The following NCAPG2 variants were observed in gnomAD, a reference collection of about 807,000 sequenced individuals.
The protein encoded by NCAPG2 is condensin-2 complex subunit G2.
NCAPG2 carries 53 observed loss-of-function variants against 141.1 expected under a neutral mutation model. The observed-to-expected ratio is 0.38, with a 90% CI of 0.30 to 0.47. The LOEUF is 0.47. Among genes scored for constraint, NCAPG2 ranks in the 20% least tolerant of loss-of-function variants. The pLI is 0.99. For missense variants in NCAPG2, 1,087 were observed against 1,389.0 expected (o/e 0.78, Z 3.46); for synonymous variants, 499 against 490.7 (o/e 1.02, Z -0.22).
chr7:158,657,038 A>G (rs1832036591), intron 17 of NCAPG2, among the ~76,000 whole-genome samples: 1 of 152,200 alleles, frequency 6.6e-6, no homozygotes, highest in South Asian at 2.1e-4. Flanking sequence ...GTTTAGCATC[A>G]AAATATTCCT....
intron 8 of NCAPG2, among the ~76,000 whole-genome samples, chr7:158,683,965 C>A (rs1369768613): frequency 8.5e-5 from 13 of 152,180 alleles, no homozygotes; most frequent in Non-Finnish European, 1.6e-4. Flanking sequence ...TAGCAAAAAA[C>A]CCCAGTGGAC....
At chr7:158,652,252 A>C (rs750717280) in intron 23 of NCAPG2, 41 bp downstream of exon 23, 4 of 1,577,412 alleles carry the variant, frequency 2.5e-6, no homozygotes, top group East Asian at 2.2e-5. Context: ...CAGCCCTGAA[A>C]AGCCCATCTA....
intron 7 of NCAPG2, 83 bp downstream of exon 7, chr7:158,687,265 T>C (rs1315619292): frequency 2.3e-6 from 2 of 887,178 alleles, no homozygotes; most frequent in Non-Finnish European, 1.7e-6. Flanking sequence ...AATCCATTAC[T>C]ATAACTTAAG....
chr7:158,692,881 T>A lies in NCAPG2; in HGVS notation c.343A>T (p.Asn115Tyr). Residue 115 changes from asparagine (N) to tyrosine (Y), a missense_variant, in exon 4 of 28, where the codon AAC (asparagine) becomes TAC (tyrosine). By Grantham distance (143) the Asn-to-Tyr change is moderately radical. Coordinates refer to ENST00000356309, the MANE Select transcript of NCAPG2 (RefSeq NM_017760.7). ...ASVSVINESENYEALLECVII... is the reference protein window; with the variant it reads ...ASVSVINESEYYEALLECVII... The stretch of plus-strand genomic sequence containing the variant: ...ACACATTCCAGTAGGGCTTCGTAGT[T>A]CTCACTTTCATTTATTACAGACACA... 6.3e-7 allele frequency: 1 copy of A among 1,591,994 alleles called. No individual in the cohort carries two copies. The highest frequency in any genetic ancestry group is 8.6e-7 in the Non-Finnish European group (1 of 1,163,848).
chr7:158,656,559 T>C lies in NCAPG2; in HGVS notation c.2207A>G (p.Gln736Arg). The C allele has an allele frequency of 1.2e-6, 2 of 1,614,074 alleles. No individual in the cohort carries two copies. Among genetic ancestry groups the C allele is most frequent in the South Asian group, 1.1e-5 (1 of 91,078 alleles). ...VDNWLPTEHA[Q>R]AKSNTASKGR... ...AACATGATGTCAACCTACCTTGGCC[T>C]GGGCATGCTCTGTGGGCAGCCAGTT... Residue 736 changes from glutamine (Q) to arginine (R), a missense_variant, in exon 18 of 28, where the codon CAG becomes CGG. By Grantham distance (43) the Gln-to-Arg change is conservative (BLOSUM62 1). Coordinates refer to ENST00000356309, the MANE Select transcript of NCAPG2 (RefSeq NM_017760.7).
rs1049849769 is a variant in NCAPG2 at position 158,633,436 on chromosome 7, T to C, written c.3381-1719A>G. On this transcript the variant is annotated intron_variant, in intron 27 of 27. Coordinates refer to ENST00000356309, the MANE Select transcript of NCAPG2 (RefSeq NM_017760.7). The surrounding 1 kb of genome is among the most constrained non-coding windows in gnomAD (Gnocchi z 4.1). ...CTCTGGAAGCGCCTGGGCCACCCTC[T>C]GTGTGGTTATTTCTGCCTGTGTTGA... 6.6e-6 allele frequency among the ~76,000 whole-genome samples: 1 copy of C among 152,240 alleles called. No homozygotes were observed. The highest frequency in any genetic ancestry group is 2.4e-5 in the African/African-American group (1 of 41,470).
intron 24 of NCAPG2, among the ~76,000 whole-genome samples, chr7:158,647,279 T>C (rs1182649334): frequency 6.6e-6 from 1 of 152,198 alleles, no homozygotes; most frequent in African/African-American, 2.4e-5. Flanking sequence ...CTAGGTGCTG[T>C]TGGAGGCTGA....
In NCAPG2 at chr7:158,669,768, CAAAAAAAAAAAAA is replaced by C. The variant is rs567875836; in HGVS notation, c.1479+1733_1479+1745del. On this transcript the variant is annotated intron_variant, in intron 13 of 27. Transcript: ENST00000356309. ...TGGGTGACAGAGCGAGACTCTGTCT[CAAAAAAAAAAAAA>C]AAAAAAAAAAAAAAATTGACATGCT... is the stretch of plus-strand genomic sequence containing the variant. Among the ~76,000 whole-genome samples, 20 of 53,682 alleles carry C rather than the reference CAAAAAAAAAAAAA, an allele frequency of 3.7e-4. 1 individual carries two copies. Among genetic ancestry groups the C allele is most frequent in the Admixed American group, 1.9e-3 (6 of 3,174 alleles). The allele number at this position is 53,682 out of a possible 152,430, so 35.2% of individuals were successfully genotyped here.
chr7:158,641,608 TA>T, intron 27 of NCAPG2: 1 of 549,424 alleles, frequency 1.8e-6, no homozygotes, highest in Non-Finnish European at 3.2e-6. Context: ...ATGCTTATTC[TA>T]ATCAAAACAA....
In NCAPG2 at chr7:158,687,330, A is replaced by G. The variant is rs188847166; in HGVS notation, c.767+18T>C. The G allele has an allele frequency of 4.4e-4, 689 of 1,555,212 alleles. 10 individuals carry two copies. In the Admixed American group the frequency reaches 0.012, roughly 26 times the overall value. ...CAGATTAAGACAGCACAAAATCTTC[A>G]GTACTTTTAACACTTACTTTTGTAA... On this transcript the variant is annotated intron_variant, in intron 7 of 27. Coordinates refer to ENST00000356309, the MANE Select transcript of NCAPG2 (RefSeq NM_017760.7).
At chr7:158,634,465 C>T (rs1290253847) in intron 27 of NCAPG2, among the ~76,000 whole-genome samples, 1 of 152,144 alleles carries the variant, frequency 6.6e-6, no homozygotes, top group Non-Finnish European at 1.5e-5. Flanking sequence ...TCAGTACAGG[C>T]ACAACCATCC....
At chr7:158,666,153 G>A (rs1186460244) in intron 13 of NCAPG2, among the ~76,000 whole-genome samples, 1 of 152,116 alleles carries the variant, frequency 6.6e-6, no homozygotes, top group Non-Finnish European at 1.5e-5. Context: ...CTTACCTAAG[G>A]GTGAGAGGCT....
intron 16 of NCAPG2, among the ~76,000 whole-genome samples, chr7:158,661,746 CACACACACAACTGTTTGCCCCAACA>C (rs1292868740): frequency 1.3e-5 from 2 of 152,048 alleles, no homozygotes; most frequent in Non-Finnish European, 2.9e-5. Context: ...AAAAAGAAAT[CACACACACAACTGTTTGCCCCAACA>C]ACACACACAA....
Position 158,658,325 on chromosome 7 carries a change from A to G in NCAPG2, c.2060+13T>C. The G allele has an allele frequency of 6.2e-7, 1 of 1,602,512 alleles. No individual in the cohort carries two copies. The highest frequency in any genetic ancestry group is 8.5e-7 in the Non-Finnish European group (1 of 1,174,300). On this transcript the variant is annotated intron_variant, in intron 17 of 27. Transcript: ENST00000356309. Reference sequence around the variant, plus strand: ...TCCTACTTTTCTACCGTACCAAAAAACAGAGCAAATACCTGAATGGGGGGA... The same window carrying G: ...TCCTACTTTTCTACCGTACCAAAAAGCAGAGCAAATACCTGAATGGGGGGA...
rs1028594645 is a variant in NCAPG2, at chr7:158,632,664, T to C, written c.3381-947A>G. Among the ~76,000 whole-genome samples, 18 of 152,240 alleles carry C rather than the reference T, an allele frequency of 1.2e-4. 1 individual carries two copies. The highest frequency in any genetic ancestry group is 1.5e-5 in the Non-Finnish European group (1 of 68,044). ...CTTCACCTTTGGAGACAGACTGCTG[T>C]CTACCACAGCCCCTGTAATGTCAAT... is the stretch of plus-strand genomic sequence containing the variant. On this transcript the variant is annotated intron_variant, in intron 27 of 27. Coordinates refer to ENST00000356309, the MANE Select transcript of NCAPG2 (RefSeq NM_017760.7).
intron 17 of NCAPG2, among the ~76,000 whole-genome samples, chr7:158,656,970 T>G (rs1832027717): frequency 6.6e-6 from 1 of 152,218 alleles, no homozygotes; most frequent in South Asian, 2.1e-4. Flanking sequence ...ATCCTTCTGT[T>G]TCTGTGCCAT....
chr7:158,704,204 T>G (rs1474041656), intron 1 of NCAPG2, among the ~76,000 whole-genome samples: 1 of 101,810 alleles, frequency 9.8e-6, no homozygotes, highest in Non-Finnish European at 1.9e-5. Flanking sequence ...ACTGAGGGGG[T>G]CGCTCTCTGA....
intron 11 of NCAPG2, among the ~76,000 whole-genome samples, chr7:158,676,428 T>C (rs1037150383): frequency 1.3e-4 from 20 of 152,196 alleles, no homozygotes; most frequent in African/African-American, 4.6e-4. Context: ...CACATGGGCC[T>C]TAGTTAGAGA....
At chr7:158,698,522 A>G (rs753257223) in intron 2 of NCAPG2, among the ~76,000 whole-genome samples, 4 of 152,244 alleles carry the variant, frequency 2.6e-5, no homozygotes, top group Non-Finnish European at 5.9e-5. Context: ...GTACAGTAAC[A>G]TGCCACACAG....
Sources: allele counts gnomAD v4.1 joint callset (sites outside exome capture counted in the v4.1 genomes callset), GRCh38; gene constraint gnomAD v4.1.1; non-coding constraint Gnocchi (gnomAD v3.1); transcripts MANE v1.5; gene names NCBI Gene and HGNC (gene_info 2026-07-23, HGNC 2026-07-21).